The following HECTD4 variants were observed in gnomAD, a reference collection of about 807,000 sequenced individuals.
The protein encoded by HECTD4 is HECT domain E3 ubiquitin protein ligase 4, also known as probable E3 ubiquitin-protein ligase HECTD4.
HECTD4 carries 114 observed loss-of-function variants against 471.5 expected under a neutral mutation model. The observed-to-expected ratio is 0.24, with a 90% CI of 0.21 to 0.28. The LOEUF (loss-of-function observed/expected upper bound fraction) is 0.28. Among genes scored for constraint, HECTD4 ranks in the 10% least tolerant of loss-of-function variants. The pLI is 1.00. For missense variants in HECTD4, 3,866 were observed against 5,651.5 expected (o/e 0.68, Z 10.13); for synonymous variants, 2,012 against 2,256.0 (o/e 0.89, Z 3.07).
intron 1 of HECTD4, among the ~76,000 whole-genome samples, chr12:112,334,846 A>AAAAATAAT (rs2035917800): frequency 6.6e-6 from 1 of 151,890 alleles, no homozygotes; most frequent in East Asian, 1.9e-4. Context: ...AAAAAAATTA[A>AAAAATAAT]AAAATAATAC....
Position 112,192,737 on chromosome 12 carries a change from G to A in HECTD4, c.9115C>T (p.Arg3039Trp), listed in dbSNP as rs771304991. ...TGGCCGAGGCCATATACGAGCACCC[G>A]TGCCCACGGTGCCTTGTACAGAGAG... ...DSSLYKAPWARVLVYGLGHKV... is the reference protein window; with the variant it reads ...DSSLYKAPWAWVLVYGLGHKV... The change falls in exon 59 of 76, where the codon CGG (arginine) becomes TGG (tryptophan). Residue 3039 changes from arginine to tryptophan, a missense_variant. By Grantham distance (101) the Arg-to-Trp change is moderately radical. Transcript: ENST00000682272. 5 of 1,588,968 alleles carry A rather than the reference G, an allele frequency of 3.1e-6. No individual in the cohort carries two copies. Among genetic ancestry groups the A allele is most frequent in the East Asian group, 2.3e-5 (1 of 43,788 alleles).
intron 13 of HECTD4, among the ~76,000 whole-genome samples, chr12:112,268,240 T>C (rs1045169325): frequency 6.6e-6 from 1 of 152,138 alleles, no homozygotes; most frequent in Admixed American, 6.5e-5. Flanking sequence ...ATCAAGATAG[T>C]GAATATACCC....
At chr12:112,276,526 C>T (rs1396847536) in intron 9 of HECTD4, among the ~76,000 whole-genome samples, 1 of 152,218 alleles carries the variant, frequency 6.6e-6, no homozygotes, top group Non-Finnish European at 1.5e-5. Context: ...AGGCTCACTG[C>T]AACCTCCAGC....
At chr12:112,373,425 G>C (rs2036720962) in intron 1 of HECTD4, among the ~76,000 whole-genome samples, 3 of 152,068 alleles carry the variant, frequency 2.0e-5, no homozygotes, top group African/African-American at 7.2e-5. Context: ...GGGAGGCTGA[G>C]GCAGAAGAAT....
Position 112,235,048 on chromosome 12 carries a change from T to C in HECTD4, c.5915+29A>G. 1 of 1,545,254 alleles carries C rather than the reference T, an allele frequency of 6.5e-7. No homozygotes were observed. Among genetic ancestry groups the C allele is most frequent in the Non-Finnish European group, 8.8e-7 (1 of 1,142,492 alleles). ...CTGTGACATGGGTGGTGCTTGAGGA[T>C]GTGTAGCTATCACAATCATTATGGT... On this transcript the variant is annotated intron_variant, in intron 37 of 75. Coordinates refer to ENST00000682272, the MANE Select transcript of HECTD4 (RefSeq NM_001388303.1). This position sits in a 1 kb window ranked among gnomAD's most constrained non-coding sequence, Gnocchi z 5.0.
chr12:112,381,027 A>T lies in HECTD4; in HGVS notation c.177+925T>A, dbSNP rs1168903292. ...TTTGATGACACCCCATGCTACCTACACATCAAAATGTCATCCCACAAAGTG... is the reference window on the plus strand; with the variant it reads ...TTTGATGACACCCCATGCTACCTACTCATCAAAATGTCATCCCACAAAGTG... On this transcript the variant is annotated intron_variant, in intron 1 of 75. Transcript: ENST00000682272. This position sits in a 1 kb window ranked among gnomAD's most constrained non-coding sequence, Gnocchi z 4.1. Among the ~76,000 whole-genome samples, 2 of 152,076 alleles carry T rather than the reference A, an allele frequency of 1.3e-5. No homozygotes were observed. Among genetic ancestry groups the T allele is most frequent in the African/African-American group, 2.4e-5 (1 of 41,406 alleles).
At chr12:112,342,585 C>T (rs1044022210) in intron 1 of HECTD4, among the ~76,000 whole-genome samples, 3 of 152,098 alleles carry the variant, frequency 2.0e-5, no homozygotes, top group Non-Finnish European at 4.4e-5. Context: ...TATAAAATTG[C>T]CTGATCTTAA....
At chr12:112,371,159 A>C (rs1240409799) in intron 1 of HECTD4, among the ~76,000 whole-genome samples, 2 of 152,228 alleles carry the variant, frequency 1.3e-5, no homozygotes, top group Admixed American at 6.5e-5. Context: ...GGAAGCCAAG[A>C]AGACAGATAA....
In HECTD4 at chr12:112,313,594, T is replaced by G. The variant is rs565577139; in HGVS notation, c.786-447A>C. Among the ~76,000 whole-genome samples the G allele has an allele frequency of 3.3e-5, 5 of 151,470 alleles. No individual in the cohort carries two copies. The South Asian group carries it at 1.0e-3, about 32-fold the overall frequency. On this transcript the variant is annotated intron_variant, in intron 3 of 75. Coordinates refer to ENST00000682272, the MANE Select transcript of HECTD4 (RefSeq NM_001388303.1). ...GCTCCACCTCCCAGGTTCATGCCAT[T>G]CTCCTGCCTCGGCCTCCCAAACAGC... is the stretch of plus-strand genomic sequence containing the variant.
intron 1 of HECTD4, among the ~76,000 whole-genome samples, chr12:112,380,660 C>T (rs1442776791): frequency 1.3e-5 from 2 of 152,052 alleles, no homozygotes; most frequent in African/African-American, 4.8e-5. Context: ...CCCTACCAAC[C>T]ATATCCTCCT....
At chr12:112,316,573 T>C (rs1008269509) in intron 2 of HECTD4, among the ~76,000 whole-genome samples, 39 of 151,782 alleles carry the variant, frequency 2.6e-4, no homozygotes, top group African/African-American at 9.4e-4. Context: ...TTACCCTGAG[T>C]CCATTCAACC....
intron 73 of HECTD4, 56 bp downstream of exon 73, chr12:112,164,053 C>G (rs2030820381): frequency 4.4e-6 from 6 of 1,376,486 alleles, no homozygotes; most frequent in East Asian, 2.7e-5. Context: ...GCTGTCATAC[C>G]CTGGCTGGCT....
chr12:112,262,018 T>C (rs1382307798), intron 17 of HECTD4: 3 of 152,168 alleles, frequency 2.0e-5, no homozygotes, highest in African/African-American at 7.2e-5. Context: ...AAAATAACTA[T>C]TAGAGAGTTC....
At chr12:112,294,281 T>A (rs1851720872) in intron 7 of HECTD4, among the ~76,000 whole-genome samples, 1 of 152,144 alleles carries the variant, frequency 6.6e-6, no homozygotes, top group African/African-American at 2.4e-5. Context: ...ATTGGCCACA[T>A]CTATGTGACA....
Position 112,270,424 on chromosome 12 carries a change from A to G in HECTD4, c.1978T>C (p.Leu660=). 2 of 1,614,044 alleles carry G rather than the reference A, an allele frequency of 1.2e-6. No individual in the cohort carries two copies. Among genetic ancestry groups the G allele is most frequent in the Non-Finnish European group, 1.7e-6 (2 of 1,179,900 alleles). Residue 660 remains leucine (L), a synonymous_variant, in exon 12 of 76, where the codon TTA becomes CTA. Coordinates refer to ENST00000682272, the MANE Select transcript of HECTD4 (RefSeq NM_001388303.1). ...AITTNEVINQ[L]LHHVGAMCIH... Reference sequence around the variant, plus strand: ...CACATCGCACCAACGTGGTGCAATAATTGGTTTATAACCTCATTCGTGGTT... The same window carrying G: ...CACATCGCACCAACGTGGTGCAATAGTTGGTTTATAACCTCATTCGTGGTT...
chr12:112,375,911 A>T (rs1288901530), intron 1 of HECTD4, among the ~76,000 whole-genome samples: 2 of 151,270 alleles, frequency 1.3e-5, no homozygotes, highest in Non-Finnish European at 2.9e-5. Flanking sequence ...TCTACTAAAA[A>T]TACAAAAAAA....
rs2030689543 is a variant in HECTD4 at position 112,161,494 on chromosome 12, A to T, written c.*893T>A. 6.6e-6 allele frequency: 1 copy of T among 152,104 alleles called. No homozygotes were observed. The highest frequency in any genetic ancestry group is 2.1e-4 in the South Asian group (1 of 4,826). 9.4% of individuals were successfully genotyped at this position (152,104 alleles called of 1,614,324 possible). A position where few individuals can be genotyped will look rare whatever the true frequency, so the allele number is the denominator to read the frequency against. On this transcript the variant is annotated 3_prime_UTR_variant, in exon 76 of 76. Coordinates refer to ENST00000682272, the MANE Select transcript of HECTD4 (RefSeq NM_001388303.1). ...TACGTCACTGCAGGGAGGAAGGGCC[A>T]TTTCTGAGCATTTTGTGCTCCTTTT...
chr12:112,164,684 A>T (rs2030857690), intron 72 of HECTD4, among the ~76,000 whole-genome samples: 1 of 150,804 alleles, frequency 6.6e-6, no homozygotes, highest in African/African-American at 2.4e-5. Flanking sequence ...GCAATGGCGC[A>T]ATCTTGGCTC....
rs1406229891 is a variant in HECTD4, at chr12:112,234,998, G to A, written c.5915+79C>T. On this transcript the variant is annotated intron_variant, in intron 37 of 75. Coordinates refer to ENST00000682272, the MANE Select transcript of HECTD4 (RefSeq NM_001388303.1). The stretch of plus-strand genomic sequence containing the variant: ...AAGAGGGCCGAGGCAGTCGATACAT[G>A]TACAGGGCTTACTTAGCACAGTGCC... 6 of 1,325,162 alleles carry A rather than the reference G, an allele frequency of 4.5e-6. No homozygotes were observed. The Admixed American group carries it at 1.1e-4, about 25-fold the overall frequency. 82.1% of individuals were successfully genotyped at this position (1,325,162 alleles called of 1,614,324 possible). A position where few individuals can be genotyped will look rare whatever the true frequency, so the allele number is the denominator to read the frequency against.
Sources: allele counts gnomAD v4.1 joint callset (sites outside exome capture counted in the v4.1 genomes callset), GRCh38; gene constraint gnomAD v4.1.1; non-coding constraint Gnocchi (gnomAD v3.1); transcripts MANE v1.5; gene names NCBI Gene and HGNC (gene_info 2026-07-23, HGNC 2026-07-21).